PTN: variants seen among roughly 807,000 people sequenced by gnomAD.
PTN encodes the protein pleiotrophin.
Under a neutral mutation model 24.1 loss-of-function variants are expected in PTN, and 18 were observed. The ratio of observed to expected loss-of-function variants is 0.75; its 90% CI spans 0.52 to 1.11. The LOEUF (loss-of-function observed/expected upper bound fraction) is 1.11, where lower values mean the gene tolerates loss of function less well. PTN is among the 50% of genes least tolerant of loss of function. The pLI, the probability that PTN is intolerant of heterozygous loss-of-function variation, is 0.00. For missense variants in PTN, 163 were observed against 198.8 expected, an observed-to-expected ratio of 0.82 and a Z score of 1.08; for synonymous variants, 78 against 68.6, an observed-to-expected ratio of 1.14 and a Z score of -0.67.
chr7:137,265,819 A>C (rs545313074), intron 1 of PTN, among the ~76,000 whole-genome samples: 2 of 152,254 alleles, frequency 1.3e-5, no homozygotes, highest in Non-Finnish European at 2.9e-5. Context: ...GCATCTTGGT[A>C]TGCTATCTTA....
intron 1 of PTN, among the ~76,000 whole-genome samples, chr7:137,311,155 C>G (rs1443772121): frequency 6.6e-6 from 1 of 151,498 alleles, no homozygotes; most frequent in Non-Finnish European, 1.5e-5. Flanking sequence ...CTGCTTGACC[C>G]CAGGAGGCAG....
intron 4 of PTN, among the ~76,000 whole-genome samples, chr7:137,230,994 T>C (rs1454856370): frequency 6.6e-6 from 1 of 151,838 alleles, no homozygotes; most frequent in African/African-American, 2.4e-5. Context: ...CATTAATGCC[T>C]CCCATCCTTC....
At chr7:137,339,742 G>A (rs1219731004) in intron 1 of PTN, among the ~76,000 whole-genome samples, 4 of 152,040 alleles carry the variant, frequency 2.6e-5, no homozygotes, top group Admixed American at 6.6e-5. Context: ...AGGGAATTGG[G>A]CAAGACGTTC....
rs1204808143 is a variant in PTN at position 137,335,009 on chromosome 7, C to T, written c.-2+8430G>A. 6.5e-5 allele frequency among the ~76,000 whole-genome samples: 8 copies of T among 123,906 alleles called. No homozygotes were observed. The East Asian group carries it at 1.9e-3, about 29-fold the overall frequency. 81.3% of individuals were successfully genotyped at this position (123,906 alleles called of 152,430 possible). A position where few individuals can be genotyped will look rare whatever the true frequency, so the allele number is the denominator to read the frequency against. ...ATTGAACAATGGGAACACATGGACACAGGAAGGGGAACATCACACTCTGGG... is the reference window on the plus strand; with the variant it reads ...ATTGAACAATGGGAACACATGGACATAGGAAGGGGAACATCACACTCTGGG... On this transcript the variant is annotated intron_variant, in intron 1 of 4. Coordinates refer to ENST00000348225, the MANE Select transcript of PTN (RefSeq NM_002825.7).
At chr7:137,283,965 T>C (rs1264974992) in intron 1 of PTN, among the ~76,000 whole-genome samples, 1 of 79,476 alleles carries the variant, frequency 1.3e-5, no homozygotes, top group Admixed American at 1.3e-4. Context: ...TTTTTTTTTT[T>C]TTTTTTTTTT....
chr7:137,229,516 T>C (rs1808393037), intron 4 of PTN, among the ~76,000 whole-genome samples: 2 of 151,800 alleles, frequency 1.3e-5, no homozygotes, highest in African/African-American at 4.8e-5. Context: ...CATGACCTCT[T>C]CAAGTAGGTT....
At chr7:137,239,641 A>T (rs1351953399) in intron 4 of PTN, among the ~76,000 whole-genome samples, 3 of 151,950 alleles carry the variant, frequency 2.0e-5, no homozygotes, top group Non-Finnish European at 4.4e-5. Context: ...ATGAGTGAGA[A>T]TATGCGGTGT....
intron 1 of PTN, among the ~76,000 whole-genome samples, chr7:137,265,171 T>C (rs982541233): frequency 1.6e-4 from 24 of 152,176 alleles, no homozygotes; most frequent in South Asian, 4.1e-4. Flanking sequence ...CTGTAGCTAT[T>C]TGATTTCAAG....
chr7:137,255,738 T>A (rs1471949218), intron 1 of PTN, among the ~76,000 whole-genome samples: 1 of 152,148 alleles, frequency 6.6e-6, no homozygotes, highest in African/African-American at 2.4e-5. Context: ...TTAGAAAGAC[T>A]CTCCTAGAAC....
At chr7:137,301,360 T>C (rs1039963927) in intron 1 of PTN, among the ~76,000 whole-genome samples, 6 of 151,820 alleles carry the variant, frequency 4.0e-5, no homozygotes, top group Non-Finnish European at 7.4e-5. Flanking sequence ...GTACCGTAAA[T>C]GTTCACAAAT....
intron 1 of PTN, among the ~76,000 whole-genome samples, chr7:137,268,053 G>A (rs1209595991): frequency 1.3e-5 from 2 of 152,096 alleles, no homozygotes; most frequent in Non-Finnish European, 2.9e-5. Flanking sequence ...TCAAATGAGT[G>A]GGCAAGTTCC....
At chr7:137,239,869 T>C (rs1808597137) in intron 4 of PTN, among the ~76,000 whole-genome samples, 1 of 152,132 alleles carries the variant, frequency 6.6e-6, no homozygotes, top group Non-Finnish European at 1.5e-5. Flanking sequence ...AGGAGTGACA[T>C]GTCCTCTCAG....
intron 4 of PTN, among the ~76,000 whole-genome samples, chr7:137,232,151 C>T (rs1360153813): frequency 6.6e-6 from 1 of 151,862 alleles, no homozygotes; most frequent in Admixed American, 6.6e-5. Flanking sequence ...CACCCCGGGC[C>T]ACATGTCCCT....
chr7:137,252,917 G>GA (rs1257673539), intron 3 of PTN, among the ~76,000 whole-genome samples: 56 of 152,300 alleles, frequency 3.7e-4, no homozygotes, highest in African/African-American at 1.3e-3. Context: ...CTCAGTAAGT[G>GA]AATCTGTGAA....
At chr7:137,267,744 G>GCA (rs1427560465) in intron 1 of PTN, among the ~76,000 whole-genome samples, 1 of 151,960 alleles carries the variant, frequency 6.6e-6, no homozygotes, top group Non-Finnish European at 1.5e-5. Context: ...GGTAAAAAGG[G>GCA]CACACACACA....
rs564142166 is a variant in PTN, at chr7:137,267,151, GTTCT to G, written c.-1-12181_-1-12178del. On this transcript the variant is annotated intron_variant, in intron 1 of 4. Transcript: ENST00000348225. Reference sequence around the variant, plus strand: ...AACTACTTGTATATTTCTCTCTCTTGTTCTTTCTCTCTTTGACTTTCTGTCTCTC... The same window carrying G: ...AACTACTTGTATATTTCTCTCTCTTGTTCTCTCTTTGACTTTCTGTCTCTC... Among the ~76,000 whole-genome samples the G allele has an allele frequency of 1.3e-4, 20 of 152,030 alleles. No homozygotes were observed. In the South Asian group the frequency reaches 2.5e-3, roughly 19 times the overall value.
intron 4 of PTN, among the ~76,000 whole-genome samples, chr7:137,230,974 C>T (rs1421062791): frequency 6.6e-6 from 1 of 151,964 alleles, no homozygotes; most frequent in African/African-American, 2.4e-5. Context: ...ACTTCCACTA[C>T]GACATGTCTC....
intron 1 of PTN, among the ~76,000 whole-genome samples, chr7:137,283,207 G>A (rs926352148): frequency 6.6e-6 from 1 of 152,150 alleles, no homozygotes; most frequent in Admixed American, 6.5e-5. Context: ...AAAAAAATAG[G>A]TTATTAATGC....
rs186053248 is a variant in PTN, at chr7:137,322,357, G to T, written c.-2+21082C>A. ...AATATAAAACATATCAGTTCATATA[G>T]TTATTTTTTAGGAGTGACATATGAG... On this transcript the variant is annotated intron_variant, in intron 1 of 4. Transcript: ENST00000348225. Among the ~76,000 whole-genome samples, 7 of 152,232 alleles carry T rather than the reference G, an allele frequency of 4.6e-5. No individual in the cohort carries two copies. The East Asian group carries it at 1.4e-3, about 29-fold the overall frequency.
Sources: gnomAD v4.1 joint callset for allele counts (sites outside exome capture counted in the v4.1 genomes callset) on GRCh38, gnomAD v4.1.1 for gene constraint, MANE v1.5 for transcripts, NCBI Gene and HGNC (gene_info 2026-07-23, HGNC 2026-07-21) for gene names.